NRXN2: variants seen among roughly 807,000 people sequenced by gnomAD.
NRXN2 encodes neurexin 2.
NRXN2 carries 29 observed loss-of-function variants against 128.8 expected under a neutral mutation model. The observed-to-expected ratio is 0.23, with a 90% CI of 0.17 to 0.31. NRXN2 has a LOEUF of 0.31. Among genes scored for constraint, NRXN2 ranks in the 10% least tolerant of loss-of-function variants. The probability of loss-of-function intolerance (pLI) is 1.00; values close to 1 mark genes in which losing one functional copy is unlikely to be tolerated. For synonymous variants in NRXN2, 1,098 were observed against 1,075.2 expected (o/e 1.02, Z -0.41); for missense variants, 1,881 against 2,452.6 (o/e 0.77, Z 4.92).
chr11:64,652,319 C>A (rs1286440692), intron 12 of NRXN2, among the ~76,000 whole-genome samples, 165 bp from the exon 13 acceptor site: 1 of 152,116 alleles, frequency 6.6e-6, no homozygotes, highest in Admixed American at 6.5e-5. Flanking sequence ...CCCATGAATA[C>A]AAGTACACAC....
chr11:64,687,606 G>A (rs1284053066), intron 5 of NRXN2, among the ~76,000 whole-genome samples: 1 of 152,144 alleles, frequency 6.6e-6, no homozygotes, highest in African/African-American at 2.4e-5. Flanking sequence ...GCAAAAGTGA[G>A]GACCCCAGCA....
Position 64,620,381 on chromosome 11 carries a change from C to T in NRXN2, c.4174-9G>A, listed in dbSNP as rs1430836641. 18 of 1,550,888 alleles carry T rather than the reference C, an allele frequency of 1.2e-5. No individual in the cohort carries two copies. The highest frequency in any genetic ancestry group is 1.7e-4 in the Middle Eastern group (1 of 5,992). On this transcript the variant is annotated splice_polypyrimidine_tract_variant and intron_variant, in intron 21 of 22. Transcript: ENST00000265459. ...AGCAGGTCATCTGTGTTCTGAGGGG[C>T]GAGAGAAGGGGTGGGGAAAGAGAGG...
At chr11:64,672,627 G>A (rs1256082266) in intron 7 of NRXN2, among the ~76,000 whole-genome samples, 1 of 152,132 alleles carries the variant, frequency 6.6e-6, no homozygotes, top group Non-Finnish European at 1.5e-5. Context: ...AGGTATCCAT[G>A]AGCCAAAGGT....
intron 20 of NRXN2, among the ~76,000 whole-genome samples, chr11:64,624,618 G>A (rs2042844113): frequency 6.6e-6 from 1 of 152,208 alleles, no homozygotes; most frequent in African/African-American, 2.4e-5. Flanking sequence ...AATGAGTTGG[G>A]GAAGGAAACA....
chr11:64,627,829 C>T (rs1249088076), intron 19 of NRXN2, among the ~76,000 whole-genome samples: 1 of 152,148 alleles, frequency 6.6e-6, no homozygotes, highest in African/African-American at 2.4e-5. Flanking sequence ...ATTCAGTGCA[C>T]GCTGGTGGGG....
At chr11:64,634,817 G>A (rs1223561406) in intron 18 of NRXN2, among the ~76,000 whole-genome samples, 1 of 152,192 alleles carries the variant, frequency 6.6e-6, no homozygotes. Context: ...AGGGTGGGCT[G>A]CCCTGGGGCA....
In NRXN2 at chr11:64,713,296, G is replaced by C; in HGVS notation, c.404C>G (p.Ala135Gly). ...CTCGCGCCGCTTGGAGCGCACCTCG[G>C]CGGCGCGGGCCTCGCCGTCCACCGC... ...ALAVDGEARA[A>G]EVRSKRREMQ... Residue 135 changes from alanine (A) to glycine (G), a missense_variant, in exon 2 of 23, where the codon GCC becomes GGC. Around this residue, in one of 7 missense-constraint regions of NRXN2, gnomAD observed 997 missense variants for 1,240.8 expected, o/e 0.80. Coordinates refer to ENST00000265459, the MANE Select transcript of NRXN2 (RefSeq NM_015080.4). 1 of 1,369,768 alleles carries C rather than the reference G, an allele frequency of 7.3e-7. No individual in the cohort carries two copies. The allele number at this position is 1,369,768 out of a possible 1,614,324, so 84.9% of individuals were successfully genotyped here.
intron 17 of NRXN2, among the ~76,000 whole-genome samples, chr11:64,645,258 G>A (rs2046464419): frequency 6.6e-6 from 1 of 152,088 alleles, no homozygotes; most frequent in Non-Finnish European, 1.5e-5. Flanking sequence ...GGTGGCGAGA[G>A]GAAAGGAAGG....
intron 5 of NRXN2, among the ~76,000 whole-genome samples, chr11:64,686,307 T>C (rs1056671714): frequency 2.6e-5 from 4 of 152,036 alleles, no homozygotes; most frequent in African/African-American, 4.8e-5. Context: ...CAAAGGGACA[T>C]AGAAGGGAAA....
At chr11:64,692,154 G>A (rs2053882479) in intron 4 of NRXN2, among the ~76,000 whole-genome samples, 1 of 152,186 alleles carries the variant, frequency 6.6e-6, no homozygotes, top group African/African-American at 2.4e-5. Context: ...CCACCAATAA[G>A]GGTTGTGGAA....
Position 64,713,433 on chromosome 11 carries a change from C to T in NRXN2, c.267G>A (p.Leu89=). 1 of 1,511,194 alleles carries T rather than the reference C, an allele frequency of 6.6e-7. No homozygotes were observed. The highest frequency in any genetic ancestry group is 8.8e-7 in the Non-Finnish European group (1 of 1,137,250). The allele number at this position is 1,511,194 out of a possible 1,614,324, so 93.6% of individuals were successfully genotyped here. Residue 89 remains leucine, a synonymous_variant, in exon 2 of 23, where the codon CTG becomes CTA. Coordinates refer to ENST00000265459, the MANE Select transcript of NRXN2 (RefSeq NM_015080.4). ...ELLLVDGRLR[L]RFTLSCAEPA... ...GCTCGGCGCACGAAAGCGTGAAGCG[C>T]AGCCGCAGGCGGCCGTCCACCAGCA... is the stretch of plus-strand genomic sequence containing the variant.
At chr11:64,652,203 G>T in intron 12 of NRXN2, 49 bp from the exon 13 acceptor site, 2 of 1,577,910 alleles carry the variant, frequency 1.3e-6, no homozygotes, top group Non-Finnish European at 1.7e-6. Flanking sequence ...ATGCTCATAG[G>T]TGACTTCCTA....
At position 64,657,746 on chromosome 11, in the gene NRXN2, C is replaced by T. The variant is rs554217459; in HGVS notation, c.2389+2586G>A. Reference sequence around the variant, plus strand: ...TTGGTGGCTGGGTAGGGGCCACCTGCGTGTCCACAGTGCCTACAGAGGAGG... The same window carrying T: ...TTGGTGGCTGGGTAGGGGCCACCTGTGTGTCCACAGTGCCTACAGAGGAGG... On this transcript the variant is annotated intron_variant, in intron 11 of 22. Transcript: ENST00000265459. Among the ~76,000 whole-genome samples, 119 of 152,198 alleles carry T rather than the reference C, an allele frequency of 7.8e-4. 1 individual carries two copies. Among genetic ancestry groups the T allele is most frequent in the Non-Finnish European group, 1.4e-3 (92 of 68,032 alleles).
chr11:64,695,720 A>ACACACACGCG (rs2054407395), intron 3 of NRXN2, among the ~76,000 whole-genome samples: 1 of 151,922 alleles, frequency 6.6e-6, no homozygotes, highest in South Asian at 2.1e-4. Context: ...AGGTGTGTAT[A>ACACACACGCG]CACACACGCG....
rs139084202 is a variant in NRXN2 at position 64,620,494 on chromosome 11, G to A, written c.4174-122C>T. Reference sequence around the variant, plus strand: ...CCCTGGGCTGAGACGGACCAGACTGGTCTGAGTCCCAGCCCTCCCATCTCT... The same window carrying A: ...CCCTGGGCTGAGACGGACCAGACTGATCTGAGTCCCAGCCCTCCCATCTCT... On this transcript the variant is annotated intron_variant, in intron 21 of 22. Transcript: ENST00000265459. 2,176 of 769,012 alleles carry A rather than the reference G, an allele frequency of 2.8e-3. 8 individuals are homozygous for A. The highest frequency in any genetic ancestry group is 4.2e-3 in the Non-Finnish European group (1,884 of 447,562). The allele number at this position is 769,012 out of a possible 1,614,324, so 47.6% of individuals were successfully genotyped here.
chr11:64,644,481 GTA>G (rs1565275421), intron 17 of NRXN2, among the ~76,000 whole-genome samples: 1 of 152,142 alleles, frequency 6.6e-6, no homozygotes, highest in African/African-American at 2.4e-5. Context: ...CCTGGGCCAC[GTA>G]TGTCAAGCTG....
chr11:64,625,776 G>A (rs1178967255), intron 20 of NRXN2, among the ~76,000 whole-genome samples: 1 of 152,058 alleles, frequency 6.6e-6, no homozygotes, highest in East Asian at 1.9e-4. Context: ...GGCTTGCTTG[G>A]TCTTCCTCAT....
intron 7 of NRXN2, among the ~76,000 whole-genome samples, chr11:64,671,085 G>A (rs1311233697): frequency 6.6e-6 from 1 of 152,144 alleles, no homozygotes; most frequent in East Asian, 1.9e-4. Context: ...CTCCTGACTG[G>A]GCACAATCTC....
intron 2 of NRXN2, among the ~76,000 whole-genome samples, chr11:64,701,448 C>A (rs1490401656): frequency 1.3e-5 from 2 of 152,156 alleles, no homozygotes; most frequent in South Asian, 2.1e-4. Context: ...CTTTAAGACC[C>A]AAGTCAAGGG....
Sources: gnomAD v4.1 joint callset for allele counts (sites outside exome capture counted in the v4.1 genomes callset) on GRCh38, gnomAD v4.1.1 for gene constraint, gnomAD v4.1.1 regional missense constraint, MANE v1.5 for transcripts, NCBI Gene and HGNC (gene_info 2026-07-23, HGNC 2026-07-21) for gene names.